The following GASK1A variants were observed in gnomAD, a reference collection of about 807,000 sequenced individuals.
GASK1A encodes golgi associated kinase 1A.
A neutral mutation model predicts 41.2 loss-of-function variants in GASK1A; 40 were observed. That is an observed-to-expected ratio of 0.97 (90% confidence interval 0.75 to 1.27). GASK1A has a LOEUF of 1.27. GASK1A is among the 50% of genes most tolerant of loss of function. The pLI is 0.00. For missense variants in GASK1A, 678 were observed against 745.1 expected (o/e 0.91, Z 1.05); for synonymous variants, 316 against 307.1 (o/e 1.03, Z -0.30).
At chr3:43,013,285 G>T (rs988266142) in intron 1 of GASK1A, among the ~76,000 whole-genome samples, 2 of 147,200 alleles carry the variant, frequency 1.4e-5, no homozygotes, top group Admixed American at 6.8e-5. Context: ...GTGTGAAATC[G>T]CAGGTAGAGG....
intron 2 of GASK1A, among the ~76,000 whole-genome samples, chr3:43,045,971 C>G (rs114349516): frequency 6.6e-6 from 1 of 152,200 alleles, no homozygotes; most frequent in Non-Finnish European, 1.5e-5. Flanking sequence ...CCATGCAGAA[C>G]AATGAGTCAA....
chr3:42,995,358 A>C (rs11711826), intron 1 of GASK1A, among the ~76,000 whole-genome samples: 7,808 of 152,292 alleles, frequency 0.051, 243 homozygotes, highest in Non-Finnish European at 0.078. Flanking sequence ...AGAGAGTGTC[A>C]TACTCTACGC....
intron 2 of GASK1A, among the ~76,000 whole-genome samples, chr3:43,050,055 A>AT (rs2089681794): frequency 2.0e-5 from 2 of 99,792 alleles, no homozygotes; most frequent in African/African-American, 3.3e-5. Flanking sequence ...GAAGTCCAGA[A>AT]CAAAAAAAAA....
chr3:43,036,322 G>T (rs1261996432), intron 2 of GASK1A, among the ~76,000 whole-genome samples: 1 of 152,234 alleles, frequency 6.6e-6, no homozygotes, highest in African/African-American at 2.4e-5. Context: ...GCAGAGAGAG[G>T]CAGGGCTGTA....
chr3:43,045,745 G>A (rs1029544590), intron 2 of GASK1A, among the ~76,000 whole-genome samples: 20 of 152,250 alleles, frequency 1.3e-4, no homozygotes, highest in African/African-American at 3.9e-4. Flanking sequence ...TAATCCCTAC[G>A]TGTCAAGGAA....
rs375211654 is a variant in GASK1A at position 43,056,192 on chromosome 3, G to T, written c.1534G>T (p.Val512Leu). The T allele has an allele frequency of 1.2e-4, 184 of 1,550,996 alleles. No individual in the cohort carries two copies. The highest frequency in any genetic ancestry group is 1.4e-4 in the Non-Finnish European group (159 of 1,146,558). The change falls in exon 5 of 5, where the codon GTG becomes TTG. Residue 512 changes from valine to leucine, a missense_variant. Val to Leu is a conservative substitution (Grantham distance 32, BLOSUM62 1). Coordinates refer to ENST00000430121, the MANE Select transcript of GASK1A (RefSeq NM_001129908.3). ...TTGCTCCAGGTTTCCTGAGTCTGCC[G>T]TGAAGGTTCTCGCATCAGGGTGTCT... ...EGIDGFPESA[V>L]KVLASGCLQN... is the part of the protein sequence containing the mutation.
intron 1 of GASK1A, among the ~76,000 whole-genome samples, chr3:42,998,880 C>T (rs889376681): frequency 6.6e-6 from 1 of 152,172 alleles, no homozygotes; most frequent in African/African-American, 2.4e-5. Flanking sequence ...ACCCTCTAAT[C>T]AGTGTCAGCT....
chr3:43,034,383 C>T (rs1054213271), intron 2 of GASK1A, among the ~76,000 whole-genome samples: 1 of 152,146 alleles, frequency 6.6e-6, no homozygotes, highest in African/African-American at 2.4e-5. Context: ...CACGGGCTGA[C>T]TGGGGGACTA....
intron 1 of GASK1A, among the ~76,000 whole-genome samples, chr3:42,996,540 A>G (rs1158867431): frequency 6.6e-6 from 1 of 152,194 alleles, no homozygotes; most frequent in Non-Finnish European, 1.5e-5. Context: ...ACTAGGTACT[A>G]TTATGACCCC....
Position 43,044,741 on chromosome 3 carries a change from G to A in GASK1A, c.1291-8780G>A, listed in dbSNP as rs568039400. ...AGAATGATTTTAGCACTTTTAAGTGGTTGAAAAAATTGAAAATATAATATT... is the reference window on the plus strand; with the variant it reads ...AGAATGATTTTAGCACTTTTAAGTGATTGAAAAAATTGAAAATATAATATT... On this transcript the variant is annotated intron_variant, in intron 2 of 4. Transcript: ENST00000430121. 2.8e-3 allele frequency among the ~76,000 whole-genome samples: 422 copies of A among 152,234 alleles called. 2 individuals are homozygous for A. The highest frequency in any genetic ancestry group is 4.9e-3 in the Non-Finnish European group (335 of 68,016).
At chr3:42,981,136 G>C (rs1287466493) in intron 1 of GASK1A, among the ~76,000 whole-genome samples, 1 of 152,172 alleles carries the variant, frequency 6.6e-6, no homozygotes, top group African/African-American at 2.4e-5. Flanking sequence ...GCAGCTTCCC[G>C]GTTTCACGTC....
intron 2 of GASK1A, among the ~76,000 whole-genome samples, chr3:43,044,862 A>C (rs1219806896): frequency 6.6e-6 from 1 of 152,208 alleles, no homozygotes; most frequent in Admixed American, 6.5e-5. Context: ...CGTGGGAGCT[A>C]CAAAGTCTGG....
chr3:43,032,124 G>A (rs2125686319), intron 1 of GASK1A, 143 bp from the exon 2 acceptor site: 1 of 645,872 alleles, frequency 1.5e-6, no homozygotes. Context: ...CTTGAAGGCA[G>A]CCAGCTGTCC....
chr3:43,045,620 G>A (rs192674243), intron 2 of GASK1A, among the ~76,000 whole-genome samples: 2 of 152,286 alleles, frequency 1.3e-5, no homozygotes, highest in East Asian at 3.9e-4. Flanking sequence ...GTAGCCTCTG[G>A]TGGCTCTTGC....
chr3:43,032,445 G>A lies in GASK1A; in HGVS notation c.182G>A (p.Arg61Gln), dbSNP rs1001225843. 44 of 1,551,152 alleles carry A rather than the reference G, an allele frequency of 2.8e-5. No homozygotes were observed. The highest frequency in any genetic ancestry group is 1.7e-4 in the Middle Eastern group (1 of 6,010). ...GVTGAPATHI[R>Q]QALSSSRRQR... ...ACTGGCGCCCCTGCAACCCATATCC[G>A]GCAGGCTTTGAGCTCCAGCCGGAGG... The change falls in exon 2 of 5, where the codon CGG becomes CAG. Residue 61 changes from arginine (R) to glutamine (Q), a missense_variant. By Grantham distance (43) the Arg-to-Gln change is conservative. Coordinates refer to ENST00000430121, the MANE Select transcript of GASK1A (RefSeq NM_001129908.3).
intron 2 of GASK1A, among the ~76,000 whole-genome samples, chr3:43,041,879 A>G (rs1013024153): frequency 2.0e-4 from 30 of 152,200 alleles, no homozygotes; most frequent in Non-Finnish European, 4.0e-4. Context: ...TTTTCAGGCC[A>G]GGTGCAGGGG....
chr3:43,055,360 G>T, intron 3 of GASK1A, 72 bp from the exon 4 acceptor site: 1 of 1,120,778 alleles, frequency 8.9e-7, no homozygotes, highest in South Asian at 1.4e-5. Context: ...CCTTAATCTT[G>T]ACCAAGTCCA....
intron 1 of GASK1A, among the ~76,000 whole-genome samples, chr3:42,994,513 G>T (rs1165640713): frequency 6.6e-6 from 1 of 152,148 alleles, no homozygotes; most frequent in Non-Finnish European, 1.5e-5. Context: ...GCATCTCCAT[G>T]AGAGGGCTGA....
chr3:42,981,877 G>A lies in GASK1A; in HGVS notation c.3+2232G>A, dbSNP rs574994380. ...ATCTCTTTGAGGGTCCTTCCACAGAGTATTGTCTTTTAATTCATTACACTG... is the reference window on the plus strand; with the variant it reads ...ATCTCTTTGAGGGTCCTTCCACAGAATATTGTCTTTTAATTCATTACACTG... On this transcript the variant is annotated intron_variant, in intron 1 of 4. Coordinates refer to ENST00000430121, the MANE Select transcript of GASK1A (RefSeq NM_001129908.3). Among the ~76,000 whole-genome samples, 33 of 152,252 alleles carry A rather than the reference G, an allele frequency of 2.2e-4. 1 individual carries two copies. The highest frequency in any genetic ancestry group is 6.8e-3 in the Middle Eastern group (2 of 294).
Sources: allele counts gnomAD v4.1 joint callset (sites outside exome capture counted in the v4.1 genomes callset), GRCh38; gene constraint gnomAD v4.1.1; transcripts MANE v1.5; gene names NCBI Gene and HGNC (gene_info 2026-07-23, HGNC 2026-07-21).